PIGK: variants seen among roughly 807,000 people sequenced by gnomAD.
The protein encoded by PIGK is GPI-anchor transamidase.
A neutral mutation model predicts 50.6 loss-of-function variants in PIGK; 42 were observed. The observed-to-expected ratio is 0.83, with a 90% confidence interval of 0.65 to 1.07. PIGK has a LOEUF of 1.07. Ranked by LOEUF, PIGK falls within the 50% of genes least tolerant of loss-of-function variation. The pLI, the probability that PIGK is intolerant of heterozygous loss-of-function variation, is 0.00. For synonymous variants in PIGK, 151 were observed against 156.0 expected (o/e 0.97, Z 0.24); for missense variants, 448 against 488.7 (o/e 0.92, Z 0.78).
chr1:77,153,594 CAT>C (rs1654941416), intron 9 of PIGK: 1 of 151,818 alleles, frequency 6.6e-6, no homozygotes, highest in South Asian at 2.1e-4. Flanking sequence ...CAAAATATCA[CAT>C]GTACCCCAAA....
chr1:77,102,496 G>T (rs562676628), intron 10 of PIGK, among the ~76,000 whole-genome samples: 1 of 152,118 alleles, frequency 6.6e-6, no homozygotes, highest in Admixed American at 6.5e-5. Flanking sequence ...AAGGGACTCC[G>T]GCTGACTTTG....
chr1:77,092,465 G>A lies in PIGK; in HGVS notation c.1097C>T (p.Pro366Leu), dbSNP rs1653322679. 3 of 1,596,700 alleles carry A rather than the reference G, an allele frequency of 1.9e-6. No individual in the cohort carries two copies. In the South Asian group the frequency reaches 3.4e-5, roughly 18 times the overall value. ...HQKPKLKDWH[P>L]PGGFILGLWA... ...TAATCCCAGAATAAAGCCCCCAGGA[G>A]GATGCCAGTCTTTCAGCTTCGGTTT... Residue 366 changes from proline (P) to leucine (L), a missense_variant, in exon 11 of 11, where the codon CCT becomes CTT. Pro to Leu is a moderately conservative substitution (Grantham distance 98). Transcript: ENST00000370812.
intron 10 of PIGK, among the ~76,000 whole-genome samples, chr1:77,111,028 A>G (rs1653828223): frequency 1.3e-5 from 2 of 152,224 alleles, no homozygotes; most frequent in South Asian, 2.1e-4. Flanking sequence ...ACTGGCCATC[A>G]GAGAAATGCA....
chr1:77,141,397 C>T lies in PIGK; in HGVS notation c.986+13052G>A, dbSNP rs72990856. 1.9e-3 allele frequency among the ~76,000 whole-genome samples: 289 copies of T among 152,178 alleles called. 1 individual carries two copies. Among genetic ancestry groups the T allele is most frequent in the African/African-American group, 6.5e-3 (269 of 41,542 alleles). ...ATGCCATCAGATAAGGAACAGAGAA[C>T]GGCTCTTAATATTGAAGTTAAAATG... On this transcript the variant is annotated intron_variant, in intron 9 of 10. Transcript: ENST00000370812.
chr1:77,188,537 C>A (rs575787409), intron 3 of PIGK, among the ~76,000 whole-genome samples: 4 of 152,242 alleles, frequency 2.6e-5, no homozygotes, highest in East Asian at 3.9e-4. Context: ...AATTTCACCT[C>A]GGTCCTGTGG....
chr1:77,155,496 A>G (rs1654987125), intron 8 of PIGK, among the ~76,000 whole-genome samples: 1 of 152,216 alleles, frequency 6.6e-6, no homozygotes, highest in South Asian at 2.1e-4. Flanking sequence ...TTACAGATGA[A>G]TAAACATAAC....
intron 10 of PIGK, among the ~76,000 whole-genome samples, chr1:77,111,241 G>C (rs972796590): frequency 6.6e-6 from 1 of 152,130 alleles, no homozygotes; most frequent in African/African-American, 2.4e-5. Flanking sequence ...ATTTGACCCA[G>C]CCATCCTATT....
chr1:77,192,487 T>C (rs953068353), intron 3 of PIGK, among the ~76,000 whole-genome samples: 7 of 152,110 alleles, frequency 4.6e-5, no homozygotes, highest in African/African-American at 7.2e-5. Context: ...AAAATTAAAC[T>C]TTACGGAATA....
At chr1:77,204,086 G>C (rs530432666) in intron 3 of PIGK, among the ~76,000 whole-genome samples, 83 of 152,218 alleles carry the variant, frequency 5.5e-4, no homozygotes, top group African/African-American at 1.8e-3. Context: ...CTGCCTAAGG[G>C]GCCAGACAGA....
chr1:77,143,124 T>A (rs922854898), intron 9 of PIGK, among the ~76,000 whole-genome samples: 1 of 152,210 alleles, frequency 6.6e-6, no homozygotes, highest in African/African-American at 2.4e-5. Flanking sequence ...AAAGTGTTAT[T>A]GTATAAATCA....
chr1:77,126,339 T>G (rs531570623), intron 9 of PIGK, among the ~76,000 whole-genome samples: 1 of 152,288 alleles, frequency 6.6e-6, no homozygotes, highest in South Asian at 2.1e-4. Flanking sequence ...TATTGGCTTT[T>G]TTAGAATGAG....
At chr1:77,169,736 T>C (rs1207670052) in intron 3 of PIGK, among the ~76,000 whole-genome samples, 1 of 152,234 alleles carries the variant, frequency 6.6e-6, no homozygotes, top group Admixed American at 6.5e-5. Flanking sequence ...GAACAATGTA[T>C]ACTTTATGCC....
chr1:77,188,959 T>C (rs1199391302), intron 3 of PIGK, among the ~76,000 whole-genome samples: 1 of 152,246 alleles, frequency 6.6e-6, no homozygotes, highest in Non-Finnish European at 1.5e-5. Context: ...ATACCAGCTA[T>C]GATCATGTGA....
intron 10 of PIGK, among the ~76,000 whole-genome samples, chr1:77,119,894 C>A (rs1016620592): frequency 2.0e-5 from 2 of 98,766 alleles, no homozygotes; most frequent in Non-Finnish European, 3.7e-5. Context: ...TTTATCTATA[C>A]GTTATCTATC....
chr1:77,152,474 AG>A (rs1201069612), intron 9 of PIGK, among the ~76,000 whole-genome samples: 2 of 152,098 alleles, frequency 1.3e-5, no homozygotes, highest in Non-Finnish European at 2.9e-5. Context: ...CAAAAATCAT[AG>A]GCAACAAAAG....
intron 8 of PIGK, among the ~76,000 whole-genome samples, chr1:77,158,175 C>T (rs968225738): frequency 2.6e-5 from 4 of 152,026 alleles, no homozygotes; most frequent in Non-Finnish European, 4.4e-5. Flanking sequence ...TGCCACCATG[C>T]CCAGCTAATT....
At chr1:77,163,376 A>C (rs909932936) in intron 6 of PIGK, among the ~76,000 whole-genome samples, 5 of 152,310 alleles carry the variant, frequency 3.3e-5, no homozygotes, top group Non-Finnish European at 5.9e-5. Flanking sequence ...TTCCAACTAA[A>C]GAGATGCTTA....
intron 3 of PIGK, among the ~76,000 whole-genome samples, chr1:77,177,508 C>A (rs531975720): frequency 1.3e-5 from 2 of 152,226 alleles, no homozygotes; most frequent in Non-Finnish European, 2.9e-5. Flanking sequence ...TCGGTCCATC[C>A]CTTTGTTTCC....
chr1:77,097,242 A>G (rs1401302647), intron 10 of PIGK, among the ~76,000 whole-genome samples: 1 of 152,082 alleles, frequency 6.6e-6, no homozygotes, highest in Non-Finnish European at 1.5e-5. Context: ...TCTCCTTTAT[A>G]GTCTTCCGGA....
Sources: allele counts gnomAD v4.1 joint callset (sites outside exome capture counted in the v4.1 genomes callset), GRCh38; gene constraint gnomAD v4.1.1; transcripts MANE v1.5; gene names NCBI Gene and HGNC (gene_info 2026-07-23, HGNC 2026-07-21).